SERTAD1: variants seen among roughly 807,000 people sequenced by gnomAD.
SERTAD1 encodes the protein SERTA domain containing 1, also known as SERTA domain-containing protein 1.
SERTAD1 carries 5 observed loss-of-function variants against 11.7 expected under a neutral mutation model. The ratio of observed to expected loss-of-function variants is 0.43; its 90% CI spans 0.22 to 0.90. The LOEUF is 0.90. SERTAD1 is among the 40% of genes least tolerant of loss of function. The pLI, the probability that SERTAD1 is intolerant of heterozygous loss-of-function variation, is 0.27. For missense variants in SERTAD1, 287 were observed against 313.9 expected (o/e 0.91, Z 0.65); for synonymous variants, 139 against 141.4 (o/e 0.98, Z 0.12).
Position 40,423,339 on chromosome 19 carries a change from C to T in SERTAD1, c.208G>A (p.Val70Ile). The change falls in exon 2 of 2, where the codon GTC becomes ATC. Residue 70 changes from valine to isoleucine, a missense_variant. Coordinates refer to ENST00000357949, the MANE Select transcript of SERTAD1 (RefSeq NM_013376.4). Reference protein sequence around the residue: ...SEPDLRHLVLVVNTLRRIQAS... With the variant: ...SEPDLRHLVLIVNTLRRIQAS... ...TGGATGCGCCGCAGAGTGTTCACGACCAGCACCAGGTGCCGCAGGTCCGGC... is the reference window on the plus strand; with the variant it reads ...TGGATGCGCCGCAGAGTGTTCACGATCAGCACCAGGTGCCGCAGGTCCGGC... 1 of 1,613,028 alleles carries T rather than the reference C, an allele frequency of 6.2e-7. No individual in the cohort carries two copies. Among genetic ancestry groups the T allele is most frequent in the Non-Finnish European group, 8.5e-7 (1 of 1,179,788 alleles).
rs4150994 is a variant in SERTAD1, at chr19:40,422,400, C to T, written c.*436G>A. The T allele has an allele frequency of 9.5e-3, 1,584 of 167,088 alleles. 30 individuals carry two copies. The highest frequency in any genetic ancestry group is 0.036 in the African/African-American group (1,511 of 42,080). 10.4% of individuals were successfully genotyped at this position (167,088 alleles called of 1,614,324 possible). ...AGGATTAAATGAGTTAACACAGTGA[C>T]GTGCTTAGAAACTGTGCCTCGTACA... is the stretch of plus-strand genomic sequence containing the variant. On this transcript the variant is annotated 3_prime_UTR_variant, in exon 2 of 2. Coordinates refer to ENST00000357949, the MANE Select transcript of SERTAD1 (RefSeq NM_013376.4).
intron 1 of SERTAD1, among the ~76,000 whole-genome samples, chr19:40,424,149 G>A (rs986567481): frequency 5.3e-5 from 8 of 151,786 alleles, no homozygotes; most frequent in African/African-American, 1.7e-4. Context: ...GGCCTGAAGC[G>A]ATCCTCCCCC....
rs2079601234 is a variant in SERTAD1 at position 40,422,362 on chromosome 19, G to C, written c.*474C>G. The C allele has an allele frequency of 6.4e-6, 1 of 155,544 alleles. No individual in the cohort carries two copies. The highest frequency in any genetic ancestry group is 6.5e-5 in the Admixed American group (1 of 15,304). The allele number at this position is 155,544 out of a possible 1,614,324, so 9.6% of individuals were successfully genotyped here. A position where few individuals can be genotyped will look rare whatever the true frequency, so the allele number is the denominator to read the frequency against. ...TAGGGATGATAATACTACCGATCTT[G>C]TAGGGCTGTTATAGGATTAAATGAG... On this transcript the variant is annotated 3_prime_UTR_variant, in exon 2 of 2. Transcript: ENST00000357949.
Position 40,422,964 on chromosome 19 carries a change from T to C in SERTAD1, c.583A>G (p.Lys195Glu). ...ELWAPASEGLKPGPEDGPGKE... is the reference protein window; with the variant it reads ...ELWAPASEGLEPGPEDGPGKE... ...CCCGGCCCATCCTCAGGGCCTGGTT[T>C]GAGGCCCTCAGAGGCTGGTGCCCAA... The change falls in exon 2 of 2, where the codon AAA becomes GAA. Residue 195 changes from lysine (K) to glutamate (E), a missense_variant. Physicochemically the swap from Lys to Glu is moderately conservative, Grantham distance 56. Transcript: ENST00000357949. The C allele has an allele frequency of 6.2e-7, 1 of 1,604,620 alleles. No homozygotes were observed. Among genetic ancestry groups the C allele is most frequent in the Non-Finnish European group, 8.5e-7 (1 of 1,175,266 alleles).
At chr19:40,424,699 G>A (rs1262310387) in intron 1 of SERTAD1, among the ~76,000 whole-genome samples, 1 of 152,202 alleles carries the variant, frequency 6.6e-6, no homozygotes, top group Non-Finnish European at 1.5e-5. Flanking sequence ...CATTCCGGGA[G>A]GAGGGAACAA....
At chr19:40,425,803 C>G (rs1001006398) in intron 1 of SERTAD1, 64 bp downstream of exon 1, 3 of 152,214 alleles carry the variant, frequency 2.0e-5, no homozygotes. Context: ...ACCCAGGGAT[C>G]GAACTCTGTG....
intron 1 of SERTAD1, among the ~76,000 whole-genome samples, chr19:40,424,629 G>A (rs1413865042): frequency 6.6e-6 from 1 of 152,204 alleles, no homozygotes; most frequent in East Asian, 1.9e-4. Flanking sequence ...CTGTAAGGAG[G>A]TGACATTTGA....
At chr19:40,425,479 C>A (rs2079613247) in intron 1 of SERTAD1, among the ~76,000 whole-genome samples, 3 of 152,054 alleles carry the variant, frequency 2.0e-5, no homozygotes, top group Non-Finnish European at 2.9e-5. Flanking sequence ...GGGATTCTGG[C>A]CCCTCTGACC....
intron 1 of SERTAD1, among the ~76,000 whole-genome samples, chr19:40,424,048 A>T (rs1339364694): frequency 6.6e-6 from 1 of 151,918 alleles, no homozygotes; most frequent in Non-Finnish European, 1.5e-5. Context: ...TTAAATTTTA[A>T]ATTTTATATT....
rs572433735 is a variant in SERTAD1 at position 40,422,498 on chromosome 19, G to A, written c.*338C>T. The A allele has an allele frequency of 4.1e-4, 122 of 300,344 alleles. 1 individual carries two copies. The highest frequency in any genetic ancestry group is 2.4e-3 in the African/African-American group (109 of 46,342). 18.6% of individuals were successfully genotyped at this position (300,344 alleles called of 1,614,324 possible). A position where few individuals can be genotyped will look rare whatever the true frequency, so the allele number is the denominator to read the frequency against. ...TTTGCCCAGAGACAAAGCAGCACAC[G>A]GATTTGAGATTTCCCAGGACTGGCT... On this transcript the variant is annotated 3_prime_UTR_variant, in exon 2 of 2. Transcript: ENST00000357949.
intron 1 of SERTAD1, among the ~76,000 whole-genome samples, chr19:40,424,307 G>T (rs1370017194): frequency 6.6e-6 from 1 of 151,852 alleles, no homozygotes; most frequent in African/African-American, 2.4e-5. Flanking sequence ...AGTGTGAGCT[G>T]CCTCACCCTG....
chr19:40,422,421 G>A lies in SERTAD1; in HGVS notation c.*415C>T, dbSNP rs146173577. 3.4e-3 allele frequency: 596 copies of A among 177,206 alleles called. 3 individuals carry two copies. The highest frequency in any genetic ancestry group is 0.013 in the African/African-American group (558 of 42,402). The allele number at this position is 177,206 out of a possible 1,614,324, so 11.0% of individuals were successfully genotyped here. A position where few individuals can be genotyped will look rare whatever the true frequency, so the allele number is the denominator to read the frequency against. ...GTGACGTGCTTAGAAACTGTGCCTC[G>A]TACACAGCCTACGCCCAATAAAATG... On this transcript the variant is annotated 3_prime_UTR_variant, in exon 2 of 2. Transcript: ENST00000357949.
intron 1 of SERTAD1, among the ~76,000 whole-genome samples, chr19:40,424,453 TTATAA>T (rs1487390987): frequency 2.6e-5 from 4 of 151,996 alleles, no homozygotes; most frequent in African/African-American, 9.7e-5. Flanking sequence ...TCTAAATAAG[TTATAA>T]TATTATAAAT....
Position 40,423,311 on chromosome 19 carries a change from G to T in SERTAD1, c.236C>A (p.Ala79Glu). ...CAGGGCAGCCGCGGGTGCCATGGAC[G>T]CCTGGATGCGCCGCAGAGTGTTCAC... is the stretch of plus-strand genomic sequence containing the variant. ...LVVNTLRRIQ[A>E]SMAPAAALPP... is the part of the protein sequence containing the mutation. The change falls in exon 2 of 2, where the codon GCG becomes GAG. Residue 79 changes from alanine (A) to glutamate (E), a missense_variant. Transcript: ENST00000357949. 1.2e-6 allele frequency: 2 copies of T among 1,609,480 alleles called. No homozygotes were observed. Among genetic ancestry groups the T allele is most frequent in the Non-Finnish European group, 8.5e-7 (1 of 1,177,848 alleles).
Position 40,422,123 on chromosome 19 carries a change from CT to C in SERTAD1, c.*712del, listed in dbSNP as rs2079600203. 1 of 141,832 alleles carries C rather than the reference CT, an allele frequency of 7.1e-6. No individual in the cohort carries two copies. The highest frequency in any genetic ancestry group is 1.5e-5 in the Non-Finnish European group (1 of 65,326). The allele number at this position is 141,832 out of a possible 1,614,324, so 8.8% of individuals were successfully genotyped here. Reference sequence around the variant, plus strand: ...CCTGGGCGACAGAGTAAGAATCTGTCTTAAAAAAAAAAGAAAGAAAAAAAAA... The same window carrying C: ...CCTGGGCGACAGAGTAAGAATCTGTCTAAAAAAAAAAGAAAGAAAAAAAAA... On this transcript the variant is annotated 3_prime_UTR_variant, in exon 2 of 2. Transcript: ENST00000357949.
chr19:40,425,335 A>G (rs938037410), intron 1 of SERTAD1, among the ~76,000 whole-genome samples: 12 of 152,060 alleles, frequency 7.9e-5, no homozygotes, highest in Non-Finnish European at 1.5e-4. Flanking sequence ...GGCCCACCAC[A>G]CTACTCAAAA....
At chr19:40,425,189 T>G (rs2079611902) in intron 1 of SERTAD1, among the ~76,000 whole-genome samples, 1 of 152,084 alleles carries the variant, frequency 6.6e-6, no homozygotes, top group Non-Finnish European at 1.5e-5. Context: ...GTCACTGAGA[T>G]AAGTTTGAGG....
In SERTAD1 at chr19:40,422,691, A is replaced by G. The variant is rs755975301; in HGVS notation, c.*145T>C. The G allele has an allele frequency of 3.4e-5, 29 of 841,930 alleles. No individual in the cohort carries two copies. Among genetic ancestry groups the G allele is most frequent in the Admixed American group, 6.2e-5 (2 of 32,174 alleles). 52.2% of individuals were successfully genotyped at this position (841,930 alleles called of 1,614,324 possible). ...CCCTGAGACAGGAGGACGGATGTGA[A>G]GTTGCCCAGGACTAGATTCTGTCTC... On this transcript the variant is annotated 3_prime_UTR_variant, in exon 2 of 2. Coordinates refer to ENST00000357949, the MANE Select transcript of SERTAD1 (RefSeq NM_013376.4).
chr19:40,423,151 G>T lies in SERTAD1; in HGVS notation c.396C>A (p.Pro132=). The T allele has an allele frequency of 6.2e-7, 1 of 1,603,656 alleles. No individual in the cohort carries two copies. Among genetic ancestry groups the T allele is most frequent in the Non-Finnish European group, 8.5e-7 (1 of 1,175,192 alleles). ...LSHIEGLSQA[P]QPLADEGPPG... ...GTGGCCCCTCGTCTGCCAAGGGTTG[G>T]GGAGCCTGACTCAGGCCCTCAATGT... Residue 132 remains proline, a synonymous_variant, in exon 2 of 2, where the codon CCC becomes CCA. Coordinates refer to ENST00000357949, the MANE Select transcript of SERTAD1 (RefSeq NM_013376.4).
Sources: allele counts gnomAD v4.1 joint callset (sites outside exome capture counted in the v4.1 genomes callset), GRCh38; gene constraint gnomAD v4.1.1; transcripts MANE v1.5; gene names NCBI Gene and HGNC (gene_info 2026-07-23, HGNC 2026-07-21).